The following MAPK10 variants were observed in gnomAD, a reference collection of about 807,000 sequenced individuals.
MAPK10 encodes the protein mitogen-activated protein kinase 10, also known as JNK3 alpha protein kinase.
MAPK10 carries 25 observed loss-of-function variants against 59.3 expected under a neutral mutation model. That is an observed-to-expected ratio of 0.42 (90% CI 0.31 to 0.59). The LOEUF is 0.59. Ranked by LOEUF, MAPK10 falls within the 20% of genes least tolerant of loss-of-function variation. The pLI, the probability that MAPK10 is intolerant of heterozygous loss-of-function variation, is 0.15. For missense variants in MAPK10, 351 were observed against 568.9 expected, an observed-to-expected ratio of 0.62 and a Z score of 3.90; for synonymous variants, 190 against 200.5, an observed-to-expected ratio of 0.95 and a Z score of 0.44.
intron 1 of MAPK10, among the ~76,000 whole-genome samples, chr4:86,430,891 G>T (rs1469894843): frequency 6.6e-6 from 1 of 152,156 alleles, no homozygotes; most frequent in Non-Finnish European, 1.5e-5. Flanking sequence ...AAAAACCATT[G>T]AAATATTTGA....
At chr4:86,472,353 T>C (rs991937176) in intron 1 of MAPK10, among the ~76,000 whole-genome samples, 1 of 152,198 alleles carries the variant, frequency 6.6e-6, no homozygotes, top group African/African-American at 2.4e-5. Flanking sequence ...TAATTATCCA[T>C]TTGTGAACAT....
At chr4:86,248,520 G>T (rs1347211831) in intron 2 of MAPK10, among the ~76,000 whole-genome samples, 1 of 152,164 alleles carries the variant, frequency 6.6e-6, no homozygotes, top group Admixed American at 6.5e-5. Flanking sequence ...CAGCCTAGAA[G>T]TTAGTAGACA....
chr4:86,215,608 T>C (rs1311174078), intron 2 of MAPK10, among the ~76,000 whole-genome samples: 2 of 152,210 alleles, frequency 1.3e-5, no homozygotes, highest in East Asian at 3.9e-4. Context: ...ATGCCTGTAA[T>C]CCCAGCACTT....
chr4:86,576,068 T>C (rs1761865561), intron 1 of MAPK10, among the ~76,000 whole-genome samples: 1 of 151,698 alleles, frequency 6.6e-6, no homozygotes, highest in Admixed American at 6.6e-5. Flanking sequence ...CATAGCTCAC[T>C]GCTACCTCAA....
At chr4:86,410,915 A>C (rs1745082124) in intron 1 of MAPK10, among the ~76,000 whole-genome samples, 1 of 151,824 alleles carries the variant, frequency 6.6e-6, no homozygotes, top group Non-Finnish European at 1.5e-5. Flanking sequence ...CTCTGCTCTG[A>C]TCTTAGTTAT....
At chr4:86,078,593 A>T (rs1015549585) in intron 9 of MAPK10, among the ~76,000 whole-genome samples, 10 of 142,140 alleles carry the variant, frequency 7.0e-5, no homozygotes, top group Admixed American at 6.9e-4. Context: ...ATACATATGT[A>T]TATATATATA....
intron 11 of MAPK10, among the ~76,000 whole-genome samples, chr4:86,052,977 T>C (rs535485222): frequency 6.6e-6 from 1 of 152,140 alleles, no homozygotes; most frequent in South Asian, 2.1e-4. Flanking sequence ...TGAGCCACTG[T>C]GCCTGGAGGG....
chr4:86,132,319 G>A (rs991444281), intron 4 of MAPK10, among the ~76,000 whole-genome samples: 1 of 151,980 alleles, frequency 6.6e-6, no homozygotes, highest in Admixed American at 6.6e-5. Flanking sequence ...GCCCTTTATC[G>A]ACTGTTGAAA....
At chr4:86,113,640 T>A (rs557768820) in intron 4 of MAPK10, among the ~76,000 whole-genome samples, 1 of 152,092 alleles carries the variant, frequency 6.6e-6, no homozygotes, top group East Asian at 1.9e-4. Context: ...CTTTGGCTGC[T>A]CTTAACATTT....
At chr4:86,556,651 T>C (rs1287830968) in intron 1 of MAPK10, among the ~76,000 whole-genome samples, 2 of 152,122 alleles carry the variant, frequency 1.3e-5, no homozygotes, top group Non-Finnish European at 2.9e-5. Context: ...AATATTTTTG[T>C]TTCACACAAT....
At chr4:86,204,605 A>C (rs1283794508) in intron 2 of MAPK10, among the ~76,000 whole-genome samples, 1 of 152,022 alleles carries the variant, frequency 6.6e-6, no homozygotes, top group Non-Finnish European at 1.5e-5. Context: ...ATGGAAACAA[A>C]AGAGGAACCT....
At chr4:86,080,784 G>A (rs898019767) in intron 9 of MAPK10, 3 of 151,860 alleles carry the variant, frequency 2.0e-5, no homozygotes, top group Non-Finnish European at 4.4e-5. Flanking sequence ...ATGAACATGT[G>A]CCAAGATCCT....
chr4:86,278,667 T>C (rs2094678751), intron 2 of MAPK10, among the ~76,000 whole-genome samples: 1 of 152,102 alleles, frequency 6.6e-6, no homozygotes, highest in South Asian at 2.1e-4. Flanking sequence ...AAACATATAG[T>C]CACCTTAACT....
intron 3 of MAPK10, among the ~76,000 whole-genome samples, chr4:86,175,618 G>T (rs116687254): frequency 6.6e-6 from 1 of 151,968 alleles, no homozygotes; most frequent in Non-Finnish European, 1.5e-5. Flanking sequence ...CATGTAAGAC[G>T]TGCCTATTTC....
intron 2 of MAPK10, chr4:86,327,139 T>A (rs1341153772): frequency 2.7e-5 from 1 of 37,206 alleles, no homozygotes; most frequent in African/African-American, 7.7e-5. Flanking sequence ...CCCAGCTAAC[T>A]TTTTTTTTTT....
rs549064520 is a variant in MAPK10 at position 86,378,776 on chromosome 4, C to T, written c.-121-24132G>A. Among the ~76,000 whole-genome samples, 10 of 152,194 alleles carry T rather than the reference C, an allele frequency of 6.6e-5. No individual in the cohort carries two copies. The South Asian group carries it at 1.2e-3, about 19-fold the overall frequency. On this transcript the variant is annotated intron_variant, in intron 1 of 13. Transcript: ENST00000361569. ...CACTGGATAGGCCTTGGGAGAGGCACGGGAGAGAGTCACATAAATCCCTCA... is the reference window on the plus strand; with the variant it reads ...CACTGGATAGGCCTTGGGAGAGGCATGGGAGAGAGTCACATAAATCCCTCA...
At chr4:86,046,241 C>A (rs1388202413) in intron 11 of MAPK10, among the ~76,000 whole-genome samples, 1 of 151,570 alleles carries the variant, frequency 6.6e-6, no homozygotes, top group African/African-American at 2.4e-5. Context: ...GCAATCATGT[C>A]ATCTGCAAAC....
chr4:86,490,766 C>T (rs1754397573), intron 1 of MAPK10, among the ~76,000 whole-genome samples: 1 of 152,138 alleles, frequency 6.6e-6, no homozygotes. Flanking sequence ...AAGGAGGTGG[C>T]TTTTCTAATC....
intron 1 of MAPK10, among the ~76,000 whole-genome samples, chr4:86,480,812 G>A (rs981401441): frequency 1.3e-5 from 2 of 152,206 alleles, no homozygotes; most frequent in African/African-American, 2.4e-5. Context: ...TAATCAAAGT[G>A]TTATGTGACA....
Sources: allele counts gnomAD v4.1 joint callset (sites outside exome capture counted in the v4.1 genomes callset), GRCh38; gene constraint gnomAD v4.1.1; transcripts MANE v1.5; gene names NCBI Gene and HGNC (gene_info 2026-07-23, HGNC 2026-07-21).